Variants in AQP9 observed in about 807,000 individuals in gnomAD.
AQP9 encodes aquaporin-9.
Under a neutral mutation model 23.8 loss-of-function variants are expected in AQP9, and 19 were observed. The ratio of observed to expected loss-of-function variants is 0.80; its 90% confidence interval spans 0.56 to 1.17. AQP9 has a LOEUF of 1.17. AQP9 is among the 50% of genes most tolerant of loss of function. The probability of loss-of-function intolerance (pLI) is 0.00; values close to 1 mark genes in which losing one functional copy is unlikely to be tolerated. For missense variants in AQP9, 413 were observed against 362.0 expected (o/e 1.14, Z -1.14); for synonymous variants, 153 against 131.5 (o/e 1.16, Z -1.12).
chr15:58,179,197 A>C lies in AQP9; in HGVS notation c.565A>C (p.Arg189=). ...IFDSRNLGAP[R]GLEPIAIGLL... The stretch of plus-strand genomic sequence containing the variant: ...TGACTCCAGAAACTTGGGAGCCCCC[A>C]GAGGCCTAGAGCCCATTGCCATCGG... Residue 189 remains arginine, a synonymous_variant, in exon 5 of 6, where the codon AGA becomes CGA. Coordinates refer to ENST00000219919, the MANE Select transcript of AQP9 (RefSeq NM_020980.5). 1 of 1,614,004 alleles carries C rather than the reference A, an allele frequency of 6.2e-7. No individual in the cohort carries two copies. Among genetic ancestry groups the C allele is most frequent in the South Asian group, 1.1e-5 (1 of 91,078 alleles).
intron 1 of AQP9, among the ~76,000 whole-genome samples, chr15:58,165,476 TA>T (rs1409411104): frequency 3.9e-5 from 6 of 152,206 alleles, no homozygotes; most frequent in African/African-American, 1.4e-4. Flanking sequence ...CATTAGGGTC[TA>T]ACCCCATTTC....
chr15:58,153,530 C>T (rs1378220437), intron 1 of AQP9: 1 of 152,116 alleles, frequency 6.6e-6, no homozygotes, highest in African/African-American at 2.4e-5. Context: ...CCAACTAGGC[C>T]TTATAATAGT....
intron 1 of AQP9, among the ~76,000 whole-genome samples, chr15:58,160,043 C>A (rs1373456439): frequency 6.6e-6 from 1 of 152,122 alleles, no homozygotes; most frequent in African/African-American, 2.4e-5. Flanking sequence ...ACTGCTGAAT[C>A]GTATGGCAGT....
rs575715839 is a variant in AQP9 at position 58,161,858 on chromosome 15, G to C, written c.112-4815G>C. On this transcript the variant is annotated intron_variant, in intron 1 of 5. Transcript: ENST00000219919. ...ATATCATTATTCCCCTTTAATATAT[G>C]AGCAAGCTGAGAATGAGAAATAATA... Among the ~76,000 whole-genome samples the C allele has an allele frequency of 3.7e-4, 56 of 152,152 alleles. No homozygotes were observed. The South Asian group carries it at 8.7e-3, about 24-fold the overall frequency.
At chr15:58,143,958 A>C (rs1270325169) in intron 1 of AQP9, among the ~76,000 whole-genome samples, 1 of 152,234 alleles carries the variant, frequency 6.6e-6, no homozygotes, top group Non-Finnish European at 1.5e-5. Context: ...CAGTAGCGAC[A>C]TGAGTTCCCA....
At chr15:58,149,473 A>G (rs1175341538) in intron 1 of AQP9, among the ~76,000 whole-genome samples, 1 of 152,168 alleles carries the variant, frequency 6.6e-6, no homozygotes, top group Non-Finnish European at 1.5e-5. Flanking sequence ...TAACTTCTCT[A>G]AGCTTTGGTT....
intron 1 of AQP9, among the ~76,000 whole-genome samples, chr15:58,149,912 A>G (rs767734596): frequency 7.9e-5 from 12 of 152,224 alleles, no homozygotes; most frequent in Non-Finnish European, 1.8e-4. Context: ...TTTTGCCTAT[A>G]GGCAGTCCTT....
At chr15:58,144,769 A>G (rs565098217) in intron 1 of AQP9, among the ~76,000 whole-genome samples, 13 of 152,204 alleles carry the variant, frequency 8.5e-5, no homozygotes, top group African/African-American at 3.1e-4. Context: ...TAATCCCAGC[A>G]CTTTGGGAGG....
chr15:58,166,141 TAC>T (rs746908403), intron 1 of AQP9, among the ~76,000 whole-genome samples: 29 of 152,126 alleles, frequency 1.9e-4, no homozygotes, highest in Non-Finnish European at 3.5e-4. Context: ...CTCAAATACC[TAC>T]AGAGGCCAGG....
rs139592184 is a variant in AQP9 at position 58,160,679 on chromosome 15, G to T, written c.112-5994G>T. Among the ~76,000 whole-genome samples, 1,363 of 152,106 alleles carry T rather than the reference G, an allele frequency of 9.0e-3. 5 individuals carry two copies. The highest frequency in any genetic ancestry group is 0.013 in the Non-Finnish European group (862 of 67,996). On this transcript the variant is annotated intron_variant, in intron 1 of 5. Coordinates refer to ENST00000219919, the MANE Select transcript of AQP9 (RefSeq NM_020980.5). ...CCTGGTGGACATTATAGTTTTTGGG[G>T]GTGGGGGGTCGGTGCCACAAGACAA... is the stretch of plus-strand genomic sequence containing the variant.
chr15:58,142,032 T>C (rs1897960565), intron 1 of AQP9, among the ~76,000 whole-genome samples: 1 of 152,200 alleles, frequency 6.6e-6, no homozygotes, highest in African/African-American at 2.4e-5. Context: ...CAGATATCAC[T>C]GGCCCTTTTT....
Position 58,184,841 on chromosome 15 carries a change from C to T in AQP9, c.*706C>T, listed in dbSNP as rs1459159280. ...TGCTCTCCTGCATTTTAGAGGACAC[C>T]AATTAATTTCCTGGTCTTTAGTATA... On this transcript the variant is annotated 3_prime_UTR_variant, in exon 6 of 6. Transcript: ENST00000219919. 6.6e-6 allele frequency: 1 copy of T among 152,170 alleles called. No individual in the cohort carries two copies. Among genetic ancestry groups the T allele is most frequent in the Non-Finnish European group, 1.5e-5 (1 of 68,038 alleles). The allele number at this position is 152,170 out of a possible 1,614,324, so 9.4% of individuals were successfully genotyped here.
intron 1 of AQP9, among the ~76,000 whole-genome samples, chr15:58,142,108 T>C (rs1170459656): frequency 6.6e-6 from 1 of 152,144 alleles, no homozygotes; most frequent in African/African-American, 2.4e-5. Flanking sequence ...CAGAGCCCAG[T>C]TGCCCTGCCC....
chr15:58,153,940 C>A (rs541823992), intron 1 of AQP9: 1 of 152,170 alleles, frequency 6.6e-6, no homozygotes, highest in Admixed American at 6.5e-5. Flanking sequence ...CCTAATTAAC[C>A]CAATTAAGCA....
intron 1 of AQP9, among the ~76,000 whole-genome samples, chr15:58,148,388 C>CT (rs529964957): frequency 1.2e-3 from 180 of 152,260 alleles, no homozygotes; most frequent in African/African-American, 4.2e-3. Flanking sequence ...CCACAAACCC[C>CT]TTTTTTGAGG....
intron 1 of AQP9, among the ~76,000 whole-genome samples, chr15:58,163,704 C>T (rs569965201): frequency 3.3e-5 from 5 of 152,102 alleles, no homozygotes; most frequent in African/African-American, 7.2e-5. Context: ...GGGAAAGGTA[C>T]GGCAGTTCTT....
chr15:58,169,937 G>A (rs1010282699), intron 2 of AQP9, among the ~76,000 whole-genome samples: 14 of 152,160 alleles, frequency 9.2e-5, no homozygotes, highest in Non-Finnish European at 8.8e-5. Context: ...TATGGGTGGC[G>A]AGGAGGAGAG....
intron 1 of AQP9, chr15:58,151,020 C>T (rs1242223679): frequency 6.6e-6 from 1 of 152,138 alleles, no homozygotes; most frequent in African/African-American, 2.4e-5. Context: ...TTATGATAGA[C>T]TATATTTACC....
rs1898706601 is a variant in AQP9, at chr15:58,174,917, G to T, written c.377-1G>T. The T allele has an allele frequency of 1.9e-6, 3 of 1,613,486 alleles. No individual in the cohort carries two copies. The highest frequency in any genetic ancestry group is 1.3e-5 in the African/African-American group (1 of 75,064). On this transcript the variant is annotated splice_acceptor_variant, in intron 3 of 5. Transcript: ENST00000219919. LOFTEE classifies it high-confidence loss of function. Reference sequence around the variant, plus strand: ...ATGTGCCAGAGCTTTCTCTTTCATAGATGGACTTATGTCCTTTGCTGGTGG... The same window carrying T: ...ATGTGCCAGAGCTTTCTCTTTCATATATGGACTTATGTCCTTTGCTGGTGG...
Sources: allele counts gnomAD v4.1 joint callset (sites outside exome capture counted in the v4.1 genomes callset), GRCh38; gene constraint gnomAD v4.1.1; transcripts MANE v1.5; gene names NCBI Gene and HGNC (gene_info 2026-07-23, HGNC 2026-07-21).